The following AP5Z1 variants were observed in gnomAD, a reference collection of about 807,000 sequenced individuals.
The protein encoded by AP5Z1 is adaptor related protein complex 5 subunit zeta 1, also known as AP-5 complex subunit zeta-1.
In AP5Z1, 106 loss-of-function variants were observed where a neutral mutation model predicts 83.0. The observed-to-expected ratio is 1.28, with a 90% CI of 1.09 to 1.50. The LOEUF is 1.50. Ranked by LOEUF, AP5Z1 falls within the 40% of genes most tolerant of loss-of-function variation. AP5Z1 has a pLI of 0.00. For missense variants in AP5Z1, 1,565 were observed against 1,094.2 expected (o/e 1.43, Z -6.07); for synonymous variants, 751 against 514.1 (o/e 1.46, Z -6.23).
At chr7:4,779,507 T>A (rs1583225975) in intron 1 of AP5Z1, among the ~76,000 whole-genome samples, 1 of 150,376 alleles carries the variant, frequency 6.6e-6, no homozygotes, top group South Asian at 2.1e-4. Context: ...AGAGTCTTAC[T>A]CTGTCACCCA....
chr7:4,791,561 G>A lies in AP5Z1; in HGVS notation c.*176G>A. On this transcript the variant is annotated 3_prime_UTR_variant, in exon 17 of 17. Transcript: ENST00000649063. ...GGGCTGGCCCCCCTGCTCACCCTCT[G>A]GGCTTTGTCTCCGAGCCTTTTGCTC... 7 of 952,998 alleles carry A rather than the reference G, an allele frequency of 7.3e-6. No homozygotes were observed. The highest frequency in any genetic ancestry group is 1.8e-5 in the South Asian group (1 of 56,040). 59.0% of individuals were successfully genotyped at this position (952,998 alleles called of 1,614,324 possible).
chr7:4,785,967 A>G (rs1168336844), intron 9 of AP5Z1, among the ~76,000 whole-genome samples: 7 of 152,110 alleles, frequency 4.6e-5, no homozygotes, highest in Admixed American at 6.5e-5. Context: ...TTTTAAATAG[A>G]GAAATAAACA....
Position 4,790,473 on chromosome 7 carries a change from A to G in AP5Z1, c.1820A>G (p.Gln607Arg). The change falls in exon 15 of 17, where the codon CAG becomes CGG. Residue 607 changes from glutamine (Q) to arginine (R), a missense_variant. Coordinates refer to ENST00000649063, the MANE Select transcript of AP5Z1 (RefSeq NM_014855.3). Reference protein sequence around the residue: ...AAGVHSVLSSQFLALCTLKPS... With the variant: ...AAGVHSVLSSRFLALCTLKPS... ...TTTCTGGGCAGTGTGCTGAGTTCTC[A>G]GTTCCTGGCCCTGTGTACGCTGAAA... 3 of 1,613,142 alleles carry G rather than the reference A, an allele frequency of 1.9e-6. No individual in the cohort carries two copies. The highest frequency in any genetic ancestry group is 2.5e-6 in the Non-Finnish European group (3 of 1,179,862).
chr7:4,778,862 T>C (rs1781293822), intron 1 of AP5Z1, among the ~76,000 whole-genome samples: 1 of 145,170 alleles, frequency 6.9e-6, no homozygotes, highest in African/African-American at 2.5e-5. Context: ...ATATATAATA[T>C]TTTATATATA....
At position 4,778,839 on chromosome 7, in the gene AP5Z1, ATAATATATAATGATATATAATATT is replaced by A. The variant is rs1044501416; in HGVS notation, c.42-2334_42-2311del. Among the ~76,000 whole-genome samples, 4 of 145,052 alleles carry A rather than the reference ATAATATATAATGATATATAATATT, an allele frequency of 2.8e-5. No individual in the cohort carries two copies. The Admixed American group carries it at 2.8e-4, about 10-fold the overall frequency. Reference sequence around the variant, plus strand: ...TATGTTATATTATATATCATTATATATAATATATAATGATATATAATATTTTATATATAATCAAAAAAAGAATAA... The same window carrying A: ...TATGTTATATTATATATCATTATATATTATATATAATCAAAAAAAGAATAA... On this transcript the variant is annotated intron_variant, in intron 1 of 16. Coordinates refer to ENST00000649063, the MANE Select transcript of AP5Z1 (RefSeq NM_014855.3).
intron 13 of AP5Z1, 176 bp downstream of exon 13, chr7:4,789,127 C>T (rs1050089017): frequency 1.5e-5 from 9 of 587,586 alleles, no homozygotes; most frequent in African/African-American, 1.1e-4. Context: ...CAGGCCCCGT[C>T]CCTTGTCCCA....
chr7:4,785,585 C>T lies in AP5Z1; in HGVS notation c.1033C>T (p.Arg345Ter), dbSNP rs762066700. The T allele has an allele frequency of 3.6e-5, 58 of 1,604,186 alleles. No homozygotes were observed. The highest frequency in any genetic ancestry group is 4.6e-5 in the Non-Finnish European group (54 of 1,176,776). The change falls in exon 9 of 17, where the codon CGA (arginine) becomes TGA (stop). Residue 345 changes from arginine to a stop codon, truncating the protein, a stop_gained. Transcript: ENST00000649063. LOFTEE classifies it high-confidence loss of function. ...LCRQDPSFLY[R>*]SLSCLKALHG... The stretch of plus-strand genomic sequence containing the variant: ...CCGGCAGGACCCGTCCTTCCTGTAC[C>T]GAAGTCTCTCCTGCCTGAAGGCCCT...
chr7:4,782,358 C>A (rs1384844814), intron 3 of AP5Z1, among the ~76,000 whole-genome samples: 1 of 152,184 alleles, frequency 6.6e-6, no homozygotes, highest in South Asian at 2.1e-4. Flanking sequence ...GTGTCGGGAG[C>A]AGGCCTGGGC....
chr7:4,785,255 C>T (rs1401821981), intron 7 of AP5Z1, among the ~76,000 whole-genome samples, 160 bp from the exon 8 acceptor site: 1 of 152,334 alleles, frequency 6.6e-6, no homozygotes, highest in African/African-American at 2.4e-5. Flanking sequence ...GGCCCTGTCC[C>T]ACCTGGGCCC....
rs1475720833 is a variant in AP5Z1 at position 4,791,925 on chromosome 7, G to A, written c.*540G>A. On this transcript the variant is annotated 3_prime_UTR_variant, in exon 17 of 17. Coordinates refer to ENST00000649063, the MANE Select transcript of AP5Z1 (RefSeq NM_014855.3). ...TGTGCACAGCCCGGAAGGCAGCGGCGCGAGTTCCCGGGTGTGGTCACCGCT... is the reference window on the plus strand; with the variant it reads ...TGTGCACAGCCCGGAAGGCAGCGGCACGAGTTCCCGGGTGTGGTCACCGCT... 3 of 153,848 alleles carry A rather than the reference G, an allele frequency of 1.9e-5. No homozygotes were observed. The highest frequency in any genetic ancestry group is 4.3e-5 in the Non-Finnish European group (3 of 69,162). The allele number at this position is 153,848 out of a possible 1,614,324, so 9.5% of individuals were successfully genotyped here. A position where few individuals can be genotyped will look rare whatever the true frequency, so the allele number is the denominator to read the frequency against.
intron 1 of AP5Z1, among the ~76,000 whole-genome samples, chr7:4,779,942 C>T (rs1014851182): frequency 2.0e-5 from 3 of 151,968 alleles, no homozygotes; most frequent in Admixed American, 6.6e-5. Context: ...CGTGCGTGGC[C>T]GAATTTTTTT....
At chr7:4,776,638 G>A (rs1001276348) in intron 1 of AP5Z1, among the ~76,000 whole-genome samples, 2 of 152,062 alleles carry the variant, frequency 1.3e-5, no homozygotes, top group Admixed American at 1.3e-4. Flanking sequence ...GGGAGGCTGA[G>A]GCAGGAGGAT....
chr7:4,787,360 C>T (rs1475516134), intron 10 of AP5Z1, among the ~76,000 whole-genome samples: 1 of 152,034 alleles, frequency 6.6e-6, no homozygotes, highest in African/African-American at 2.4e-5. Flanking sequence ...GTGGTGTGTG[C>T]CTGTAGTCTC....
In AP5Z1 at chr7:4,775,651, C is replaced by T. The variant is rs1318255617; in HGVS notation, c.-65C>T. Reference sequence around the variant, plus strand: ...GCGGTCCCGGAAGTTGACCGGGGTGCGGAGCTCCTGGGCTGCAGCTCCTGG... The same window carrying T: ...GCGGTCCCGGAAGTTGACCGGGGTGTGGAGCTCCTGGGCTGCAGCTCCTGG... On this transcript the variant is annotated 5_prime_UTR_variant, in exon 1 of 17. Transcript: ENST00000649063. The T allele has an allele frequency of 2.3e-5, 37 of 1,594,694 alleles. No individual in the cohort carries two copies. Among genetic ancestry groups the T allele is most frequent in the Non-Finnish European group, 2.8e-5 (33 of 1,174,468 alleles).
Position 4,785,060 on chromosome 7 carries a change from A to G in AP5Z1, c.931+12A>G. ...GCAAAGTAACCGACGTGAGTCCCCC[A>G]CCCAGGGCACTGGCCTCCCCAGGGC... On this transcript the variant is annotated intron_variant, in intron 7 of 16. Transcript: ENST00000649063. The G allele has an allele frequency of 6.3e-7, 1 of 1,585,410 alleles. No homozygotes were observed. Among genetic ancestry groups the G allele is most frequent in the Non-Finnish European group, 8.6e-7 (1 of 1,162,126 alleles).
intron 2 of AP5Z1, 33 bp from the exon 3 acceptor site, chr7:4,781,535 G>C (rs1376560128): frequency 1.7e-5 from 27 of 1,595,692 alleles, no homozygotes; most frequent in Non-Finnish European, 2.3e-5. Flanking sequence ...GTCGTGACGT[G>C]TTACCGCCCA....
rs758057142 is a variant in AP5Z1 at position 4,781,326 on chromosome 7, C to T, written c.179+14C>T. 8.1e-6 allele frequency: 13 copies of T among 1,611,658 alleles called. No individual in the cohort carries two copies. Among genetic ancestry groups the T allele is most frequent in the South Asian group, 3.3e-5 (3 of 91,040 alleles). On this transcript the variant is annotated intron_variant, in intron 2 of 16. Transcript: ENST00000649063. ...GTACAGCCGGAGGTGAGTGTGGCGA[C>T]GGCTCAGGCCGGCTCCTCACACAGC...
intron 6 of AP5Z1, 120 bp downstream of exon 6, chr7:4,784,491 T>A (rs1347749266): frequency 2.4e-6 from 3 of 1,253,276 alleles, no homozygotes; most frequent in East Asian, 2.5e-5. Context: ...GCAGCAGAGG[T>A]CAGGACTGAG....
In AP5Z1 at chr7:4,787,753, G is replaced by A. The variant is rs369951556; in HGVS notation, c.1431G>A (p.Thr477=). 11 of 1,541,632 alleles carry A rather than the reference G, an allele frequency of 7.1e-6. No individual in the cohort carries two copies. Among genetic ancestry groups the A allele is most frequent in the Admixed American group, 5.8e-5 (3 of 51,490 alleles). ...LHALLDLPCL[T]AVLDLQLRSA... ...CGCTGCTGGACCTGCCCTGCTTGAC[G>A]GCGGTGCTGGACCTGCAGCTCAGGT... The change falls in exon 11 of 17, where the codon ACG becomes ACA. Residue 477 remains threonine, a synonymous_variant. Coordinates refer to ENST00000649063, the MANE Select transcript of AP5Z1 (RefSeq NM_014855.3).
Sources: gnomAD v4.1 joint callset for allele counts (sites outside exome capture counted in the v4.1 genomes callset) on GRCh38, gnomAD v4.1.1 for gene constraint, MANE v1.5 for transcripts, NCBI Gene and HGNC (gene_info 2026-07-23, HGNC 2026-07-21) for gene names.